EI24: variants seen among roughly 807,000 people sequenced by gnomAD.
EI24 encodes the protein EI24 autophagy associated transmembrane protein, also known as etoposide-induced protein 2.4 homolog.
Under a neutral mutation model 48.6 loss-of-function variants are expected in EI24, and 21 were observed. The observed-to-expected ratio is 0.43, with a 90% CI of 0.31 to 0.62. The LOEUF (loss-of-function observed/expected upper bound fraction) is 0.62, where lower values mean the gene tolerates loss of function less well. Among genes scored for constraint, EI24 ranks in the 20% least tolerant of loss-of-function variants. The pLI is 0.10. For synonymous variants in EI24, 114 were observed against 145.5 expected, an observed-to-expected ratio of 0.78 and a Z score of 1.56; for missense variants, 280 against 410.5, an observed-to-expected ratio of 0.68 and a Z score of 2.75.
chr11:125,575,295 C>A lies in EI24; in HGVS notation c.75C>A (p.Thr25=). 1 of 1,553,220 alleles carries A rather than the reference C, an allele frequency of 6.4e-7. No individual in the cohort carries two copies. The highest frequency in any genetic ancestry group is 1.2e-5 in the South Asian group (1 of 84,052). The change falls in exon 3 of 11, where the codon ACC becomes ACA. Residue 25 remains threonine, a synonymous_variant. Transcript: ENST00000278903. ...GIKDSIWGIC[T]ISKLDARIQQ... is the part of the protein sequence containing the mutation. ...AAGACTCCATCTGGGGTATTTGTAC[C>A]ATCTCAAAGCTAGATGCTCGAATCC...
At position 125,569,512 on chromosome 11, in the gene EI24, C is replaced by A. The variant is rs773464020; in HGVS notation, c.-132C>A. On this transcript the variant is annotated 5_prime_UTR_variant, in exon 1 of 11. Coordinates refer to ENST00000278903, the MANE Select transcript of EI24 (RefSeq NM_004879.5). ...CAGCGGCCCCGGCCCTGGAAGCGCCCCGGCGGAGCTGGCCTGCGGTGGGCT... is the reference window on the plus strand; with the variant it reads ...CAGCGGCCCCGGCCCTGGAAGCGCCACGGCGGAGCTGGCCTGCGGTGGGCT... 2 of 384,320 alleles carry A rather than the reference C, an allele frequency of 5.2e-6. No individual in the cohort carries two copies. The highest frequency in any genetic ancestry group is 9.2e-6 in the Non-Finnish European group (2 of 216,872). 23.8% of individuals were successfully genotyped at this position (384,320 alleles called of 1,614,324 possible). A position where few individuals can be genotyped will look rare whatever the true frequency, so the allele number is the denominator to read the frequency against.
At position 125,569,508 on chromosome 11, in the gene EI24, C is replaced by T. The variant is rs753616814; in HGVS notation, c.-136C>T. 3.6e-5 allele frequency: 14 copies of T among 384,072 alleles called. No homozygotes were observed. The highest frequency in any genetic ancestry group is 4.2e-5 in the African/African-American group (2 of 47,932). The allele number at this position is 384,072 out of a possible 1,614,324, so 23.8% of individuals were successfully genotyped here. A position where few individuals can be genotyped will look rare whatever the true frequency, so the allele number is the denominator to read the frequency against. On this transcript the variant is annotated 5_prime_UTR_variant, in exon 1 of 11. Transcript: ENST00000278903. ...GGCGCAGCGGCCCCGGCCCTGGAAG[C>T]GCCCCGGCGGAGCTGGCCTGCGGTG...
rs369153370 is a variant in EI24, at chr11:125,579,091, A to G, written c.561+23A>G. 10 of 1,549,166 alleles carry G rather than the reference A, an allele frequency of 6.5e-6. No individual in the cohort carries two copies. The African/African-American group carries it at 1.2e-4, about 19-fold the overall frequency. ...CAGGTGAGACTGACCTTCTGGGCATATGGGCAGCTTTATTAAAAAGAAAAA... is the reference window on the plus strand; with the variant it reads ...CAGGTGAGACTGACCTTCTGGGCATGTGGGCAGCTTTATTAAAAAGAAAAA... On this transcript the variant is annotated intron_variant, in intron 7 of 10. Transcript: ENST00000278903.
At chr11:125,580,749 A>C (rs1938956585) in intron 8 of EI24, 1 of 155,446 alleles carries the variant, frequency 6.4e-6, no homozygotes, top group East Asian at 1.9e-4. Context: ...TCAGATTTGT[A>C]CACTTCTAAT....
intron 5 of EI24, 129 bp from the exon 6 acceptor site, chr11:125,578,004 T>C (rs1938818492): frequency 1.9e-6 from 2 of 1,044,062 alleles, no homozygotes; most frequent in East Asian, 5.0e-5. Flanking sequence ...GAGATAGGTA[T>C]AGTGATGTGC....
rs1363106800 is a variant in EI24 at position 125,578,239 on chromosome 11, G to A, written c.423G>A (p.Val141=). 7 of 1,613,992 alleles carry A rather than the reference G, an allele frequency of 4.3e-6. No individual in the cohort carries two copies. Among genetic ancestry groups the A allele is most frequent in the Non-Finnish European group, 5.9e-6 (7 of 1,179,882 alleles). The change falls in exon 6 of 11, where the codon GTG becomes GTA. Residue 141 remains valine (V), a synonymous_variant. Transcript: ENST00000278903. ...VLPLFVLSKV[V]NAIWFQDIAD... ...CCTTGTTTGTGCTTAGCAAAGTGGTGAATGCCATTTGGTTTCAGGTAGGTC... is the reference window on the plus strand; with the variant it reads ...CCTTGTTTGTGCTTAGCAAAGTGGTAAATGCCATTTGGTTTCAGGTAGGTC...
Position 125,578,103 on chromosome 11 carries a change from A to G in EI24, c.317-30A>G, listed in dbSNP as rs376488987. The G allele has an allele frequency of 2.5e-6, 4 of 1,611,714 alleles. No individual in the cohort carries two copies. The African/African-American group carries it at 5.3e-5, about 22-fold the overall frequency. On this transcript the variant is annotated intron_variant, in intron 5 of 10. Transcript: ENST00000278903. Reference sequence around the variant, plus strand: ...TGGTCTTCTGGATTTCCATTTCTCCATTTCTAGTAACTCGTTTCCTCTTTC... The same window carrying G: ...TGGTCTTCTGGATTTCCATTTCTCCGTTTCTAGTAACTCGTTTCCTCTTTC...
intron 8 of EI24, among the ~76,000 whole-genome samples, chr11:125,580,501 T>C (rs2135869758): frequency 6.6e-6 from 1 of 152,326 alleles, no homozygotes. Flanking sequence ...GTCAAATTGA[T>C]GTCAGCATCT....
At position 125,575,351 on chromosome 11, in the gene EI24, G is replaced by A. The variant is rs576924332; in HGVS notation, c.131G>A (p.Arg44Lys). Residue 44 changes from arginine (R) to lysine (K), a missense_variant, in exon 3 of 11, where the codon AGG becomes AAG. Physicochemically the swap from Arg to Lys is conservative, Grantham distance 26. Around this residue, in one of 3 missense-constraint regions of EI24, gnomAD observed 204 missense variants for 294.1 expected, o/e 0.69. Coordinates refer to ENST00000278903, the MANE Select transcript of EI24 (RefSeq NM_004879.5). ...QQKREEQRRR[R>K]ASSVLAQRRA... ...AAGAGAGAGGAGCAGCGTCGAAGAA[G>A]GGCAAGTAGTGTCTTGGCACAGAGA... 3.1e-5 allele frequency: 50 copies of A among 1,587,812 alleles called. No individual in the cohort carries two copies. In the South Asian group the frequency reaches 5.0e-4, roughly 16 times the overall value.
chr11:125,582,465 G>A, intron 10 of EI24, 45 bp downstream of exon 10: 1 of 1,413,922 alleles, frequency 7.1e-7, no homozygotes, highest in Non-Finnish European at 9.6e-7. Flanking sequence ...TAAAGGGTTG[G>A]GGCTGTAACA....
In EI24 at chr11:125,572,496, C is replaced by T. The variant is rs767603576; in HGVS notation, c.-32C>T. ...AGAGATTTGGGGACACTTCTCTCTC[C>T]TGTGTGTAGTTGATAGTTTGGTGGT... is the stretch of plus-strand genomic sequence containing the variant. On this transcript the variant is annotated 5_prime_UTR_variant, in exon 2 of 11. Coordinates refer to ENST00000278903, the MANE Select transcript of EI24 (RefSeq NM_004879.5). 5 of 1,610,134 alleles carry T rather than the reference C, an allele frequency of 3.1e-6. No homozygotes were observed. The African/African-American group carries it at 6.7e-5, about 22-fold the overall frequency.
intron 3 of EI24, chr11:125,575,956 T>C (rs1050199427): frequency 5.4e-5 from 21 of 385,486 alleles, no homozygotes; most frequent in Non-Finnish European, 1.5e-5. Context: ...GCCTGGCTAA[T>C]TTTTTATATT....
At chr11:125,570,749 T>C (rs1169551767) in intron 1 of EI24, among the ~76,000 whole-genome samples, 1 of 152,196 alleles carries the variant, frequency 6.6e-6, no homozygotes, top group Non-Finnish European at 1.5e-5. Context: ...GCAAGAAACC[T>C]ATGAAGAAGT....
At chr11:125,581,423 A>G in intron 9 of EI24, 101 bp downstream of exon 9, 2 of 638,654 alleles carry the variant, frequency 3.1e-6, no homozygotes, top group East Asian at 6.0e-5. Flanking sequence ...CTACATCATC[A>G]TTTGTCCATC....
intron 9 of EI24, among the ~76,000 whole-genome samples, chr11:125,581,543 T>TTC (rs1938996622): frequency 8.7e-6 from 1 of 114,294 alleles, no homozygotes; most frequent in African/African-American, 3.4e-5. Flanking sequence ...TATTCTTTTT[T>TTC]TTTTTTTTTT....
chr11:125,576,951 C>T (rs1938772501), intron 4 of EI24, among the ~76,000 whole-genome samples: 1 of 152,114 alleles, frequency 6.6e-6, no homozygotes, highest in Non-Finnish European at 1.5e-5. Flanking sequence ...CTGAATACTA[C>T]TTGAAATGTT....
Position 125,569,592 on chromosome 11 carries a change from G to A in EI24, c.-71+19G>A, listed in dbSNP as rs535228322. On this transcript the variant is annotated intron_variant, in intron 1 of 10. Transcript: ENST00000278903. The stretch of plus-strand genomic sequence containing the variant: ...GCTGTGGGTAGGTGCGGGCTCAGCC[G>A]AGCTAGGCCTCGGGGCCGCCGCGCC... 101 of 368,246 alleles carry A rather than the reference G, an allele frequency of 2.7e-4. No homozygotes were observed. Among genetic ancestry groups the A allele is most frequent in the African/African-American group, 2.1e-3 (98 of 47,440 alleles). 22.8% of individuals were successfully genotyped at this position (368,246 alleles called of 1,614,324 possible). A position where few individuals can be genotyped will look rare whatever the true frequency, so the allele number is the denominator to read the frequency against.
At chr11:125,573,993 A>G (rs1315773323) in intron 2 of EI24, among the ~76,000 whole-genome samples, 1 of 151,930 alleles carries the variant, frequency 6.6e-6, no homozygotes, top group Non-Finnish European at 1.5e-5. Flanking sequence ...CATATGATCT[A>G]CTTTTAACAT....
chr11:125,572,258 G>A (rs1938559669), intron 1 of EI24, among the ~76,000 whole-genome samples, 200 bp from the exon 2 acceptor site: 1 of 152,126 alleles, frequency 6.6e-6, no homozygotes, highest in Admixed American at 6.6e-5. Flanking sequence ...TGAAAGGGTG[G>A]TGAGTGTTTT....
Sources: gnomAD v4.1 joint callset for allele counts (sites outside exome capture counted in the v4.1 genomes callset) on GRCh38, gnomAD v4.1.1 for gene constraint, gnomAD v4.1.1 regional missense constraint, MANE v1.5 for transcripts, NCBI Gene and HGNC (gene_info 2026-07-23, HGNC 2026-07-21) for gene names.